Variants in TFB2M observed in about 807,000 individuals in gnomAD.
TFB2M encodes dimethyladenosine transferase 2, mitochondrial.
TFB2M carries 44 observed loss-of-function variants against 41.3 expected under a neutral mutation model. The ratio of observed to expected loss-of-function variants is 1.07; its 90% CI spans 0.84 to 1.37. The LOEUF (loss-of-function observed/expected upper bound fraction) is 1.37. Ranked by LOEUF, TFB2M falls within the 40% of genes most tolerant of loss-of-function variation. TFB2M has a pLI of 0.00. For synonymous variants in TFB2M, 188 were observed against 176.8 expected (o/e 1.06, Z -0.50); for missense variants, 496 against 490.2 (o/e 1.01, Z -0.11).
At chr1:246,544,306 A>C (rs1658939490) in intron 7 of TFB2M, among the ~76,000 whole-genome samples, 1 of 152,212 alleles carries the variant, frequency 6.6e-6, no homozygotes, top group South Asian at 2.1e-4. Context: ...GCATTTTTTT[A>C]AAGAAGGAAA....
intron 2 of TFB2M, among the ~76,000 whole-genome samples, chr1:246,559,642 G>A (rs961972903): frequency 6.6e-6 from 1 of 152,192 alleles, no homozygotes; most frequent in Non-Finnish European, 1.5e-5. Flanking sequence ...ACTGGGGGTG[G>A]AAATCATACA....
Position 246,543,563 on chromosome 1 carries a change from T to C in TFB2M, c.1019+958A>G, listed in dbSNP as rs926333806. On this transcript the variant is annotated intron_variant, in intron 7 of 7. Coordinates refer to ENST00000366514, the MANE Select transcript of TFB2M (RefSeq NM_022366.3). Reference sequence around the variant, plus strand: ...GCATCAGGCCTACACACAAATTACATGGATGGCCAGGCATGGTGGCTCCCG... The same window carrying C: ...GCATCAGGCCTACACACAAATTACACGGATGGCCAGGCATGGTGGCTCCCG... Among the ~76,000 whole-genome samples, 176 of 152,064 alleles carry C rather than the reference T, an allele frequency of 1.2e-3. 1 individual carries two copies. The highest frequency in any genetic ancestry group is 1.4e-4 in the African/African-American group (6 of 41,468).
Position 246,552,510 on chromosome 1 carries a change from C to T in TFB2M, c.706-1208G>A, listed in dbSNP as rs144526975. 4.4e-4 allele frequency among the ~76,000 whole-genome samples: 66 copies of T among 150,434 alleles called. 1 individual carries two copies. The East Asian group carries it at 0.012, about 28-fold the overall frequency. On this transcript the variant is annotated intron_variant, in intron 4 of 7. Coordinates refer to ENST00000366514, the MANE Select transcript of TFB2M (RefSeq NM_022366.3). ...ACTTGAAGACAGGAGTTCAAGACCACCCTGAACAACACAGCATGACCCTGT... is the reference window on the plus strand; with the variant it reads ...ACTTGAAGACAGGAGTTCAAGACCATCCTGAACAACACAGCATGACCCTGT...
chr1:246,541,265 G>A (rs1558507161), intron 7 of TFB2M, 63 bp from the exon 8 acceptor site: 4 of 1,487,472 alleles, frequency 2.7e-6, no homozygotes, highest in East Asian at 4.7e-5. Context: ...AGTTCACGGT[G>A]ACAGAAATGG....
At chr1:246,552,746 T>A (rs2340792) in intron 4 of TFB2M, among the ~76,000 whole-genome samples, 59,112 of 151,450 alleles carry the variant, frequency 0.39, 11,848 homozygotes, top group Non-Finnish European at 0.42. Context: ...ATAATTATAA[T>A]ACCCCTTAAA....
chr1:246,556,620 A>G lies in TFB2M; in HGVS notation c.658T>C (p.Phe220Leu), dbSNP rs1429485667. ...AACATATTTACTTCTATTCGTCCAA[A>G]TTTATATATAGAAGTACAGGAATAC... ...DLYSCTSIYK[F>L]GRIEVNMFIG... is the part of the protein sequence containing the mutation. Residue 220 changes from phenylalanine to leucine, a missense_variant, in exon 4 of 8, where the codon TTT becomes CTT. By Grantham distance (22) the Phe-to-Leu change is conservative. Transcript: ENST00000366514. 1.0e-5 allele frequency: 16 copies of G among 1,553,432 alleles called. No individual in the cohort carries two copies. The highest frequency in any genetic ancestry group is 1.4e-5 in the Non-Finnish European group (16 of 1,153,362).
chr1:246,545,025 T>G (rs548268326), intron 6 of TFB2M, among the ~76,000 whole-genome samples: 19 of 151,370 alleles, frequency 1.3e-4, no homozygotes, highest in Admixed American at 1.3e-3. Flanking sequence ...CAGGATGGTC[T>G]CGATCTCCTG....
Position 246,562,827 on chromosome 1 carries a change from G to T in TFB2M, c.402+1519C>A, listed in dbSNP as rs188789356. Among the ~76,000 whole-genome samples, 843 of 152,096 alleles carry T rather than the reference G, an allele frequency of 5.5e-3. 9 individuals are homozygous for T. Among genetic ancestry groups the T allele is most frequent in the African/African-American group, 0.019 (807 of 41,486 alleles). On this transcript the variant is annotated intron_variant, in intron 2 of 7. Coordinates refer to ENST00000366514, the MANE Select transcript of TFB2M (RefSeq NM_022366.3). ...GGCATGCGCCACCACGCCCAGCTAA[G>T]TTTTGTATTTTTAGTAGAGACGGGG...
rs528250224 is a variant in TFB2M, at chr1:246,562,892, T to C, written c.402+1454A>G. On this transcript the variant is annotated intron_variant, in intron 2 of 7. Coordinates refer to ENST00000366514, the MANE Select transcript of TFB2M (RefSeq NM_022366.3). ...TCAGGATGGTCTCAATCTCTTAACC[T>C]AGTGATCCGCCCGCCTCTGCCTCCC... Among the ~76,000 whole-genome samples the C allele has an allele frequency of 3.9e-5, 6 of 152,128 alleles. No homozygotes were observed. In the South Asian group the frequency reaches 1.2e-3, roughly 32 times the overall value.
At chr1:246,555,486 C>T (rs949336661) in intron 4 of TFB2M, among the ~76,000 whole-genome samples, 2 of 152,050 alleles carry the variant, frequency 1.3e-5, no homozygotes, top group African/African-American at 2.4e-5. Flanking sequence ...GCGGGAAGAT[C>T]GCTTGAGCCC....
chr1:246,557,664 TTTTTGTTTTG>T (rs200109340), intron 2 of TFB2M, 130 bp from the exon 3 acceptor site: 4 of 851,534 alleles, frequency 4.7e-6, no homozygotes, highest in South Asian at 2.2e-5. Flanking sequence ...ACCTGGGGTT[TTTTTGTTTTG>T]TTTTGTTTTG....
At chr1:246,551,679 G>A in intron 4 of TFB2M, among the ~76,000 whole-genome samples, 1 of 148,256 alleles carries the variant, frequency 6.7e-6, no homozygotes, top group South Asian at 2.1e-4. Context: ...AACATAGTGA[G>A]ACCGCATCTC....
chr1:246,565,943 T>C lies in TFB2M; in HGVS notation c.196A>G (p.Lys66Glu). 6.2e-7 allele frequency: 1 copy of C among 1,614,226 alleles called. No individual in the cohort carries two copies. Among genetic ancestry groups the C allele is most frequent in the Non-Finnish European group, 8.5e-7 (1 of 1,180,044 alleles). ...DFRNPPRKAS[K>E]ASLDFKRYVT... ...TAACGCTTAAAGTCTAAGCTGGCCTTAGACGCCTTCCTTGGCGGATTCCTG... is the reference window on the plus strand; with the variant it reads ...TAACGCTTAAAGTCTAAGCTGGCCTCAGACGCCTTCCTTGGCGGATTCCTG... The change falls in exon 1 of 8, where the codon AAG becomes GAG. Residue 66 changes from lysine to glutamate, a missense_variant. Physicochemically the swap from Lys to Glu is moderately conservative, Grantham distance 56. Coordinates refer to ENST00000366514, the MANE Select transcript of TFB2M (RefSeq NM_022366.3).
At chr1:246,561,809 ATAAC>A (rs1229755645) in intron 2 of TFB2M, among the ~76,000 whole-genome samples, 1 of 152,266 alleles carries the variant, frequency 6.6e-6, no homozygotes, top group Non-Finnish European at 1.5e-5. Flanking sequence ...GTGTTACAGA[ATAAC>A]AAACTTTAAA....
intron 6 of TFB2M, among the ~76,000 whole-genome samples, chr1:246,545,774 T>C (rs1490615295): frequency 7.3e-6 from 1 of 136,654 alleles, no homozygotes; most frequent in Non-Finnish European, 1.5e-5. Context: ...ATTACGCCAT[T>C]GCACTCCAGC....
At chr1:246,545,742 G>A (rs994850335) in intron 6 of TFB2M, among the ~76,000 whole-genome samples, 6 of 149,094 alleles carry the variant, frequency 4.0e-5, no homozygotes, top group East Asian at 4.0e-4. Context: ...AGACTGCTGC[G>A]TGGAGTTTGC....
chr1:246,566,106 C>T lies in TFB2M; in HGVS notation c.33G>A (p.Arg11=), dbSNP rs199972874. Residue 11 remains arginine (R), a synonymous_variant, in exon 1 of 8, where the codon CGG becomes CGA. Coordinates refer to ENST00000366514, the MANE Select transcript of TFB2M (RefSeq NM_022366.3). MWIPVVGLPR[R]LRLSALAGAG... ...CGCCCGCCAAGGCGGAGAGCCTCAG[C>T]CGCCGAGGAAGCCCGACCACTGGGA... The T allele has an allele frequency of 9.3e-6, 15 of 1,611,128 alleles. No individual in the cohort carries two copies. The highest frequency in any genetic ancestry group is 1.2e-5 in the Non-Finnish European group (14 of 1,177,752).
chr1:246,548,931 A>G (rs558707945), intron 5 of TFB2M, among the ~76,000 whole-genome samples: 31 of 152,366 alleles, frequency 2.0e-4, no homozygotes, highest in African/African-American at 6.7e-4. Flanking sequence ...TCAGCAGTTT[A>G]AGGGATATTA....
intron 4 of TFB2M, among the ~76,000 whole-genome samples, chr1:246,555,846 A>C (rs1259853343): frequency 6.6e-6 from 1 of 152,010 alleles, no homozygotes; most frequent in East Asian, 1.9e-4. Flanking sequence ...GCTGGAGTGC[A>C]GGGGCATGAT....
Sources: allele counts gnomAD v4.1 joint callset (sites outside exome capture counted in the v4.1 genomes callset), GRCh38; gene constraint gnomAD v4.1.1; transcripts MANE v1.5; gene names NCBI Gene and HGNC (gene_info 2026-07-23, HGNC 2026-07-21).